Variants in MAD1L1 observed in about 807,000 individuals in gnomAD.
MAD1L1 encodes the protein mitotic spindle assembly checkpoint protein MAD1.
Under a neutral mutation model 96.9 loss-of-function variants are expected in MAD1L1, and 95 were observed. The observed-to-expected ratio is 0.98, with a 90% confidence interval of 0.83 to 1.16. MAD1L1 has a LOEUF of 1.16. MAD1L1 is among the 50% of genes most tolerant of loss of function. The pLI is 0.00. For missense variants in MAD1L1, 1,007 were observed against 954.4 expected (o/e 1.06, Z -0.73); for synonymous variants, 473 against 396.6 (o/e 1.19, Z -2.29).
At chr7:2,050,547 G>A (rs562771382) in intron 12 of MAD1L1, among the ~76,000 whole-genome samples, 14 of 152,278 alleles carry the variant, frequency 9.2e-5, no homozygotes, top group African/African-American at 2.2e-4. Context: ...GCCTATCACC[G>A]GCCTGGAGAA....
At chr7:2,063,696 C>T (rs1321594124) in intron 12 of MAD1L1, among the ~76,000 whole-genome samples, 1 of 152,214 alleles carries the variant, frequency 6.6e-6, no homozygotes, top group Non-Finnish European at 1.5e-5. Context: ...AATCGCTGCG[C>T]AGCCTGGGCA....
At chr7:1,973,509 G>T (rs976164710) in intron 15 of MAD1L1, among the ~76,000 whole-genome samples, 2 of 151,902 alleles carry the variant, frequency 1.3e-5, no homozygotes, top group African/African-American at 4.8e-5. Flanking sequence ...GGCCCCTACA[G>T]TGGGGAATGT....
chr7:2,102,888 G>T (rs1786888318), intron 11 of MAD1L1, among the ~76,000 whole-genome samples: 1 of 152,198 alleles, frequency 6.6e-6, no homozygotes, highest in African/African-American at 2.4e-5. Flanking sequence ...AATGCCCAGA[G>T]ATGGCGTCTT....
At chr7:2,111,092 C>A (rs1787353691) in intron 11 of MAD1L1, among the ~76,000 whole-genome samples, 1 of 152,192 alleles carries the variant, frequency 6.6e-6, no homozygotes, top group Non-Finnish European at 1.5e-5. Flanking sequence ...ACGCTGCGGC[C>A]AAGTCCTCCG....
chr7:1,965,524 C>G (rs12666698), intron 15 of MAD1L1, among the ~76,000 whole-genome samples: 5,326 of 152,322 alleles, frequency 0.035, 199 homozygotes, highest in East Asian at 0.087. Context: ...ACCAGGAGCT[C>G]AAGGCGAAGT....
intron 18 of MAD1L1, among the ~76,000 whole-genome samples, chr7:1,836,454 C>T (rs374393638): frequency 2.7e-4 from 41 of 152,300 alleles, no homozygotes; most frequent in African/African-American, 9.9e-4. Flanking sequence ...CTTGTGACTA[C>T]GAACGCCTAA....
At chr7:2,072,266 G>A (rs1305461084) in intron 11 of MAD1L1, among the ~76,000 whole-genome samples, 1 of 152,198 alleles carries the variant, frequency 6.6e-6, no homozygotes, top group Non-Finnish European at 1.5e-5. Flanking sequence ...CTTGGTGGGT[G>A]GGGAAACACC....
chr7:2,067,123 C>A (rs1038865009), intron 12 of MAD1L1, among the ~76,000 whole-genome samples: 7 of 152,216 alleles, frequency 4.6e-5, no homozygotes, highest in African/African-American at 1.7e-4. Context: ...GGCCCAACAA[C>A]AAGGTGCACT....
At chr7:1,868,712 G>C (rs2128653618) in intron 18 of MAD1L1, among the ~76,000 whole-genome samples, 1 of 152,354 alleles carries the variant, frequency 6.6e-6, no homozygotes, top group Non-Finnish European at 1.5e-5. Context: ...CCAGAGGCGA[G>C]AGTTCTCACA....
intron 13 of MAD1L1, among the ~76,000 whole-genome samples, chr7:2,008,107 G>A (rs1358988157): frequency 6.6e-6 from 1 of 152,182 alleles, no homozygotes; most frequent in Non-Finnish European, 1.5e-5. Flanking sequence ...TAAAGCTGGG[G>A]GATTTTACTG....
chr7:1,935,253 C>G lies in MAD1L1; in HGVS notation c.1807+1434G>C, dbSNP rs1004392618. Among the ~76,000 whole-genome samples, 18 of 152,260 alleles carry G rather than the reference C, an allele frequency of 1.2e-4. 1 individual carries two copies. The highest frequency in any genetic ancestry group is 4.3e-4 in the African/African-American group (18 of 41,466). ...ATGCAGGGCGGAGAGGGAGCCACGG[C>G]TGGACCAGAAAGGGGGCTGGGGACA... is the stretch of plus-strand genomic sequence containing the variant. On this transcript the variant is annotated intron_variant, in intron 17 of 18. Transcript: ENST00000265854.
chr7:1,887,463 G>C (rs1450209619), intron 18 of MAD1L1, among the ~76,000 whole-genome samples: 1 of 151,142 alleles, frequency 6.6e-6, no homozygotes, highest in Non-Finnish European at 1.5e-5. Flanking sequence ...GCGTGCACAT[G>C]TGCATGCATG....
At chr7:2,081,105 A>C (rs555142170) in intron 11 of MAD1L1, among the ~76,000 whole-genome samples, 86 of 152,158 alleles carry the variant, frequency 5.7e-4, no homozygotes, top group Non-Finnish European at 9.4e-4. Flanking sequence ...CAGGCCAGGA[A>C]CCAAGGACAG....
chr7:1,844,462 A>G (rs2128635060), intron 18 of MAD1L1, among the ~76,000 whole-genome samples: 1 of 152,008 alleles, frequency 6.6e-6, no homozygotes, highest in African/African-American at 2.4e-5. Flanking sequence ...TGGGACATGG[A>G]CGGCATTCGA....
chr7:2,060,447 G>A (rs566216030), intron 12 of MAD1L1, among the ~76,000 whole-genome samples: 45 of 152,216 alleles, frequency 3.0e-4, no homozygotes, highest in African/African-American at 9.6e-4. Flanking sequence ...AGATAACGCC[G>A]ATGCCGAGAT....
intron 18 of MAD1L1, among the ~76,000 whole-genome samples, chr7:1,888,269 G>C (rs1786275585): frequency 2.0e-5 from 3 of 147,612 alleles, no homozygotes; most frequent in African/African-American, 7.7e-5. Flanking sequence ...CATGGGTGCA[G>C]CTGCCTGTGC....
chr7:1,842,597 C>T (rs1270981756), intron 18 of MAD1L1, among the ~76,000 whole-genome samples: 4 of 152,262 alleles, frequency 2.6e-5, no homozygotes, highest in African/African-American at 2.4e-5. Flanking sequence ...TGAGCCCCGG[C>T]GAGGGACAGA....
At chr7:1,822,442 A>ATATATATATATATAT (rs768089526) in intron 18 of MAD1L1, among the ~76,000 whole-genome samples, 1 of 140,586 alleles carries the variant, frequency 7.1e-6, no homozygotes, top group African/African-American at 2.6e-5. Flanking sequence ...ATATATATAT[A>ATATATATATATATAT]TTTTTTTTTT....
chr7:2,213,272 C>G lies in MAD1L1; in HGVS notation c.926G>C (p.Arg309Thr). Reference protein sequence around the residue: ...TLVGLELENERLLAKLQSWER... With the variant: ...TLVGLELENETLLAKLQSWER... ...CCAGCTTTGCAGCTTGGCCAGCAGCCTCTGAAAAGACAACAAAAGCACAGA... is the reference window on the plus strand; with the variant it reads ...CCAGCTTTGCAGCTTGGCCAGCAGCGTCTGAAAAGACAACAAAAGCACAGA... The change falls in exon 10 of 19, where the codon AGG becomes ACG. Residue 309 changes from arginine (R) to threonine (T), a missense_variant and splice_region_variant. Transcript: ENST00000265854. 1 of 1,614,110 alleles carries G rather than the reference C, an allele frequency of 6.2e-7. No homozygotes were observed. The highest frequency in any genetic ancestry group is 2.2e-5 in the East Asian group (1 of 44,874).
Sources: gnomAD v4.1 joint callset for allele counts (sites outside exome capture counted in the v4.1 genomes callset) on GRCh38, gnomAD v4.1.1 for gene constraint, MANE v1.5 for transcripts, NCBI Gene and HGNC (gene_info 2026-07-23, HGNC 2026-07-21) for gene names.